EXOC6B: variants seen among roughly 807,000 people sequenced by gnomAD.
EXOC6B encodes the protein SEC15 homolog B.
In EXOC6B, 54 loss-of-function variants were observed where a neutral mutation model predicts 113.5. That is an observed-to-expected ratio of 0.48 (90% CI 0.38 to 0.60). EXOC6B has a LOEUF of 0.60. Among genes scored for constraint, EXOC6B ranks in the 20% least tolerant of loss-of-function variants. The pLI, the probability that EXOC6B is intolerant of heterozygous loss-of-function variation, is 0.00. For missense variants in EXOC6B, 797 were observed against 977.5 expected, an observed-to-expected ratio of 0.82 and a Z score of 2.46; for synonymous variants, 357 against 339.0, an observed-to-expected ratio of 1.05 and a Z score of -0.58.
chr2:72,186,535 A>G (rs1220196191), intron 20 of EXOC6B, among the ~76,000 whole-genome samples: 3 of 126,428 alleles, frequency 2.4e-5, no homozygotes, highest in Admixed American at 7.4e-5. Flanking sequence ...TTTTTTTCAC[A>G]AATAAAAAAA....
At position 72,740,981 on chromosome 2, in the gene EXOC6B, G is replaced by T. The variant is rs533012668; in HGVS notation, c.279+323C>A. Among the ~76,000 whole-genome samples the T allele has an allele frequency of 5.3e-5, 8 of 152,112 alleles. No individual in the cohort carries two copies. The East Asian group carries it at 1.4e-3, about 26-fold the overall frequency. ...TAGCCGGGCGTGGTGGTGGGCGCCTGTAGTCCCAGCTATTCGGGAGGCTGA... is the reference window on the plus strand; with the variant it reads ...TAGCCGGGCGTGGTGGTGGGCGCCTTTAGTCCCAGCTATTCGGGAGGCTGA... On this transcript the variant is annotated intron_variant, in intron 2 of 21. Transcript: ENST00000272427.
chr2:72,398,094 A>C (rs907634692), intron 18 of EXOC6B, among the ~76,000 whole-genome samples: 2 of 152,222 alleles, frequency 1.3e-5, no homozygotes, highest in African/African-American at 4.8e-5. Flanking sequence ...TTAACATTTG[A>C]ATCAGTAGAC....
chr2:72,545,069 C>T (rs746540969), intron 8 of EXOC6B, among the ~76,000 whole-genome samples: 1 of 151,998 alleles, frequency 6.6e-6, no homozygotes, highest in Non-Finnish European at 1.5e-5. Context: ...ATATTTACTA[C>T]AGTTACATAA....
At chr2:72,399,022 A>G (rs1692957224) in intron 18 of EXOC6B, among the ~76,000 whole-genome samples, 1 of 151,524 alleles carries the variant, frequency 6.6e-6, no homozygotes, top group Non-Finnish European at 1.5e-5. Context: ...AAAAAAAAAA[A>G]GAAAAAAATT....
At chr2:72,503,599 T>G (rs1187485713) in intron 11 of EXOC6B, among the ~76,000 whole-genome samples, 2 of 152,210 alleles carry the variant, frequency 1.3e-5, no homozygotes, top group Admixed American at 1.3e-4. Flanking sequence ...ATTCACCCAC[T>G]GACAAACATG....
chr2:72,252,081 A>C (rs533969237), intron 20 of EXOC6B, among the ~76,000 whole-genome samples: 30 of 152,006 alleles, frequency 2.0e-4, no homozygotes, highest in Non-Finnish European at 4.4e-5. Context: ...TTCCCTCTTT[A>C]CTGGATCATT....
At chr2:72,447,959 C>T (rs1696687583) in intron 18 of EXOC6B, among the ~76,000 whole-genome samples, 1 of 152,160 alleles carries the variant, frequency 6.6e-6, no homozygotes, top group Admixed American at 6.5e-5. Context: ...TCATACTATA[C>T]TCTAATCCAC....
At chr2:72,303,796 T>G (rs1686676274) in intron 20 of EXOC6B, among the ~76,000 whole-genome samples, 1 of 152,132 alleles carries the variant, frequency 6.6e-6, no homozygotes. Context: ...GAATTGGTTC[T>G]TTTTCACCTC....
At chr2:72,605,171 T>A (rs572426843) in intron 6 of EXOC6B, among the ~76,000 whole-genome samples, 6 of 151,220 alleles carry the variant, frequency 4.0e-5, no homozygotes, top group Non-Finnish European at 5.9e-5. Flanking sequence ...TAATCCCAGC[T>A]ACTCGGGAGG....
At chr2:72,647,144 G>C (rs1190338949) in intron 6 of EXOC6B, among the ~76,000 whole-genome samples, 1 of 152,076 alleles carries the variant, frequency 6.6e-6, no homozygotes, top group African/African-American at 2.4e-5. Flanking sequence ...ACCAATAACA[G>C]AGAGCCAAAT....
At chr2:72,701,589 G>A (rs151020227) in intron 6 of EXOC6B, among the ~76,000 whole-genome samples, 113 of 152,218 alleles carry the variant, frequency 7.4e-4, no homozygotes, top group African/African-American at 2.6e-3. Context: ...ACAAAAAGAT[G>A]AAATCAATTC....
intron 20 of EXOC6B, among the ~76,000 whole-genome samples, chr2:72,241,586 G>GA (rs1400352408): frequency 2.3e-4 from 35 of 151,854 alleles, no homozygotes; most frequent in Non-Finnish European, 4.3e-4. Flanking sequence ...CAAAGGCAAA[G>GA]AAAAAAATCT....
chr2:72,788,433 T>G (rs1178488040), intron 1 of EXOC6B, among the ~76,000 whole-genome samples: 1 of 152,176 alleles, frequency 6.6e-6, no homozygotes, highest in Non-Finnish European at 1.5e-5. Context: ...GCTGTTGTTT[T>G]TTTACCTGCA....
At chr2:72,236,792 ATTCAGGGGACCATGGGCAGTCTTAGTT>A (rs1201987372) in intron 20 of EXOC6B, among the ~76,000 whole-genome samples, 1 of 152,072 alleles carries the variant, frequency 6.6e-6, no homozygotes, top group Non-Finnish European at 1.5e-5. Context: ...GGCTATCAAA[ATTCAGGGGACCATGGGCAGTCTTAGTT>A]TCTCCTGCGC....
At chr2:72,732,090 A>C (rs1680674062) in intron 3 of EXOC6B, among the ~76,000 whole-genome samples, 1 of 152,214 alleles carries the variant, frequency 6.6e-6, no homozygotes, top group Admixed American at 6.5e-5. Context: ...ATATAAAAAT[A>C]TTGTAAACTG....
At chr2:72,240,856 A>G (rs893003216) in intron 20 of EXOC6B, among the ~76,000 whole-genome samples, 7 of 152,274 alleles carry the variant, frequency 4.6e-5, no homozygotes, top group African/African-American at 1.7e-4. Context: ...GTGAATAAAA[A>G]TCAGGAAGTC....
At chr2:72,457,397 G>C (rs939023459) in intron 18 of EXOC6B, among the ~76,000 whole-genome samples, 1 of 152,064 alleles carries the variant, frequency 6.6e-6, no homozygotes, top group African/African-American at 2.4e-5. Context: ...AGTAAGGCCA[G>C]GGATAGGTAT....
At chr2:72,507,214 T>C (rs1700640629) in intron 11 of EXOC6B, among the ~76,000 whole-genome samples, 1 of 152,058 alleles carries the variant, frequency 6.6e-6, no homozygotes, top group Non-Finnish European at 1.5e-5. Context: ...GTTTTTGAGA[T>C]TTGATTTGAT....
intron 1 of EXOC6B, among the ~76,000 whole-genome samples, chr2:72,801,311 A>G (rs1201684426): frequency 6.6e-6 from 1 of 152,228 alleles, no homozygotes; most frequent in Non-Finnish European, 1.5e-5. Context: ...ACTTGCAAAT[A>G]ATTTATAATT....
Sources: gnomAD v4.1 joint callset for allele counts (sites outside exome capture counted in the v4.1 genomes callset) on GRCh38, gnomAD v4.1.1 for gene constraint, MANE v1.5 for transcripts, NCBI Gene and HGNC (gene_info 2026-07-23, HGNC 2026-07-21) for gene names.